LRP1B: variants seen among roughly 807,000 people sequenced by gnomAD.
The protein encoded by LRP1B is low-density lipoprotein receptor-related protein 1B.
LRP1B carries 217 observed loss-of-function variants against 556.6 expected under a neutral mutation model. That is an observed-to-expected ratio of 0.39 (90% CI 0.35 to 0.44). LRP1B has a LOEUF of 0.44. Ranked by LOEUF, LRP1B falls within the 20% of genes least tolerant of loss-of-function variation. The pLI is 1.00. For synonymous variants in LRP1B, 2,047 were observed against 1,865.8 expected (o/e 1.10, Z -2.50); for missense variants, 5,053 against 5,620.8 (o/e 0.90, Z 3.23).
chr2:141,737,947 A>C (rs1037099477), intron 2 of LRP1B, among the ~76,000 whole-genome samples: 1 of 152,114 alleles, frequency 6.6e-6, no homozygotes, highest in East Asian at 1.9e-4. Flanking sequence ...ATATATCTGA[A>C]CTAGCCACGT....
At chr2:141,961,954 AT>A (rs1199997994) in intron 1 of LRP1B, among the ~76,000 whole-genome samples, 2 of 151,788 alleles carry the variant, frequency 1.3e-5, no homozygotes, top group African/African-American at 4.8e-5. Context: ...AATATGAGGC[AT>A]ATTTCAAGAT....
intron 2 of LRP1B, among the ~76,000 whole-genome samples, chr2:141,528,075 A>T (rs942233234): frequency 6.6e-6 from 1 of 151,794 alleles, no homozygotes; most frequent in African/African-American, 2.4e-5. Flanking sequence ...CTGCCGGCTC[A>T]GTCATGACCT....
chr2:141,657,406 A>T (rs1362630502), intron 2 of LRP1B, among the ~76,000 whole-genome samples: 1 of 152,112 alleles, frequency 6.6e-6, no homozygotes. Flanking sequence ...ATGTAGTTTA[A>T]CTCAAATATC....
chr2:142,010,576 A>AG (rs1475897387), intron 1 of LRP1B, among the ~76,000 whole-genome samples: 1 of 150,798 alleles, frequency 6.6e-6, no homozygotes, highest in Non-Finnish European at 1.5e-5. Flanking sequence ...AAAAAAAAAA[A>AG]AAAGAAAGAA....
At chr2:141,703,492 G>A (rs1692025264) in intron 2 of LRP1B, among the ~76,000 whole-genome samples, 2 of 151,950 alleles carry the variant, frequency 1.3e-5, no homozygotes, top group South Asian at 4.1e-4. Context: ...TCATCTCAGT[G>A]ATGATTTGCA....
chr2:140,647,859 A>C (rs1684539159), intron 41 of LRP1B, among the ~76,000 whole-genome samples: 1 of 152,168 alleles, frequency 6.6e-6, no homozygotes, highest in African/African-American at 2.4e-5. Flanking sequence ...AACTAGTTCA[A>C]CCATTGTGGA....
At chr2:141,259,820 G>A (rs1281333144) in intron 3 of LRP1B, among the ~76,000 whole-genome samples, 1 of 152,050 alleles carries the variant, frequency 6.6e-6, no homozygotes, top group African/African-American at 2.4e-5. Flanking sequence ...TAAGCTTGTT[G>A]GGAGTCTTAA....
intron 1 of LRP1B, among the ~76,000 whole-genome samples, chr2:142,112,947 T>C (rs570287498): frequency 6.6e-6 from 1 of 152,276 alleles, no homozygotes; most frequent in African/African-American, 2.4e-5. Flanking sequence ...CATTCTCTTA[T>C]TGCAAAATTT....
chr2:141,047,048 C>CTCCAGCCTGGGCG (rs1217237433), intron 11 of LRP1B, among the ~76,000 whole-genome samples: 14 of 29,528 alleles, frequency 4.7e-4, no homozygotes, highest in East Asian at 1.4e-3. Flanking sequence ...CAGCACTGCA[C>CTCCAGCCTGGGCG]AAAAATTAAT....
At chr2:140,968,513 T>TTTG (rs1553438892) in intron 18 of LRP1B, among the ~76,000 whole-genome samples, 3,403 of 150,236 alleles carry the variant, frequency 0.023, 66 homozygotes, top group Non-Finnish European at 0.031. Context: ...GTTTTTTTTT[T>TTTG]TGTGTCTCTA....
intron 3 of LRP1B, among the ~76,000 whole-genome samples, chr2:141,331,624 A>G (rs1687661956): frequency 6.6e-6 from 1 of 151,812 alleles, no homozygotes; most frequent in Non-Finnish European, 1.5e-5. Context: ...AAAATTTAAA[A>G]AACACTGATC....
At chr2:140,463,500 T>G (rs541021436) in intron 60 of LRP1B, among the ~76,000 whole-genome samples, 5 of 152,300 alleles carry the variant, frequency 3.3e-5, no homozygotes, top group African/African-American at 1.2e-4. Context: ...TACCCTTTAA[T>G]GCAATCCTAC....
chr2:141,427,416 G>T (rs1055560258), intron 3 of LRP1B, among the ~76,000 whole-genome samples: 3 of 152,142 alleles, frequency 2.0e-5, no homozygotes, highest in Non-Finnish European at 4.4e-5. Context: ...AAGAATAGAA[G>T]AATATGATGC....
intron 41 of LRP1B, among the ~76,000 whole-genome samples, chr2:140,646,610 A>T (rs1276524622): frequency 6.6e-6 from 1 of 152,182 alleles, no homozygotes; most frequent in Non-Finnish European, 1.5e-5. Flanking sequence ...GTACACATAT[A>T]GCATTCATAT....
intron 7 of LRP1B, among the ~76,000 whole-genome samples, chr2:141,109,666 CAAA>C (rs34120181): frequency 1.5e-5 from 2 of 134,496 alleles, no homozygotes; most frequent in Non-Finnish European, 3.2e-5. Flanking sequence ...TACAACCTTG[CAAA>C]AAAAAAAAAA....
chr2:140,899,520 A>G (rs2105216766), intron 23 of LRP1B, among the ~76,000 whole-genome samples: 1 of 152,328 alleles, frequency 6.6e-6, no homozygotes, highest in Non-Finnish European at 1.5e-5. Context: ...GTCAGTTGCC[A>G]TTTCATTTCT....
chr2:141,818,567 T>C (rs1171561106), intron 1 of LRP1B, among the ~76,000 whole-genome samples: 1 of 139,296 alleles, frequency 7.2e-6, no homozygotes, highest in Non-Finnish European at 1.5e-5. Context: ...GATGGAGTCT[T>C]GCTCTGTCAC....
intron 1 of LRP1B, among the ~76,000 whole-genome samples, chr2:141,952,186 T>C (rs998069400): frequency 1.6e-5 from 1 of 61,588 alleles, no homozygotes; most frequent in African/African-American, 3.8e-5. Context: ...GAATTCATCC[T>C]TTTTTTATGG....
intron 11 of LRP1B, among the ~76,000 whole-genome samples, chr2:141,046,944 T>A (rs1698888539): frequency 7.0e-6 from 1 of 142,758 alleles, no homozygotes; most frequent in Admixed American, 7.1e-5. Flanking sequence ...TAGTCAGGCA[T>A]GATGGTGCAC....
Sources: allele counts gnomAD v4.1 joint callset (sites outside exome capture counted in the v4.1 genomes callset), GRCh38; gene constraint gnomAD v4.1.1; transcripts MANE v1.5; gene names NCBI Gene and HGNC (gene_info 2026-07-23, HGNC 2026-07-21).